LSAMP: variants seen among roughly 807,000 people sequenced by gnomAD.
LSAMP encodes limbic system associated membrane protein.
Under a neutral mutation model 38.6 loss-of-function variants are expected in LSAMP, and 7 were observed. The ratio of observed to expected loss-of-function variants is 0.18; its 90% confidence interval spans 0.10 to 0.34. The LOEUF (loss-of-function observed/expected upper bound fraction) is 0.34. Ranked by LOEUF, LSAMP falls within the 10% of genes least tolerant of loss-of-function variation. LSAMP has a pLI of 1.00. For missense variants in LSAMP, 313 were observed against 420.0 expected (o/e 0.75, Z 2.23); for synonymous variants, 154 against 166.8 (o/e 0.92, Z 0.59).
At position 115,841,834 on chromosome 3, in the gene LSAMP, G is replaced by A; in HGVS notation, c.919+11C>T. Reference sequence around the variant, plus strand: ...ATTCCATCAAGTTGGGCCCTGCTTTGGCATACTTACTGAAAAGGACTAGGC... The same window carrying A: ...ATTCCATCAAGTTGGGCCCTGCTTTAGCATACTTACTGAAAAGGACTAGGC... On this transcript the variant is annotated intron_variant, in intron 6 of 6. Coordinates refer to ENST00000490035, the MANE Select transcript of LSAMP (RefSeq NM_002338.5). The A allele has an allele frequency of 6.3e-7, 1 of 1,594,998 alleles. No individual in the cohort carries two copies. Among genetic ancestry groups the A allele is most frequent in the South Asian group, 1.1e-5 (1 of 87,478 alleles).
At chr3:116,242,401 T>C (rs1426430514) in intron 1 of LSAMP, among the ~76,000 whole-genome samples, 2 of 152,188 alleles carry the variant, frequency 1.3e-5, no homozygotes, top group Non-Finnish European at 2.9e-5. Flanking sequence ...AAACGGCTGG[T>C]CACGAACTGA....
chr3:115,900,459 T>C, intron 3 of LSAMP, among the ~76,000 whole-genome samples: 1 of 135,114 alleles, frequency 7.4e-6, no homozygotes, highest in East Asian at 2.1e-4. Flanking sequence ...GAGGTTGCAG[T>C]GAGCCAAGAT....
At chr3:116,224,993 T>A (rs2107620760) in intron 1 of LSAMP, among the ~76,000 whole-genome samples, 1 of 152,348 alleles carries the variant, frequency 6.6e-6, no homozygotes, top group East Asian at 1.9e-4. Flanking sequence ...AGATTATAAC[T>A]GATTTTGTCT....
chr3:116,307,369 A>G (rs993061075), intron 1 of LSAMP, among the ~76,000 whole-genome samples: 33 of 152,060 alleles, frequency 2.2e-4, no homozygotes, highest in African/African-American at 7.7e-4. Context: ...ACTTTAAAAT[A>G]ACATACTAAC....
At chr3:116,057,554 CA>C (rs1215189478) in intron 2 of LSAMP, among the ~76,000 whole-genome samples, 1 of 151,960 alleles carries the variant, frequency 6.6e-6, no homozygotes, top group Non-Finnish European at 1.5e-5. Context: ...TTTCTTTCAA[CA>C]AACTGAAATG....
chr3:116,294,254 G>T (rs760444051), intron 1 of LSAMP, among the ~76,000 whole-genome samples: 2 of 152,002 alleles, frequency 1.3e-5, no homozygotes, highest in African/African-American at 2.4e-5. Context: ...AACTATTAAT[G>T]GTTGAATTTC....
At chr3:115,917,453 T>C (rs1001088306) in intron 3 of LSAMP, among the ~76,000 whole-genome samples, 2 of 152,210 alleles carry the variant, frequency 1.3e-5, no homozygotes, top group Admixed American at 1.3e-4. Context: ...GTAGCTCCAT[T>C]ACCACCCCTG....
intron 1 of LSAMP, among the ~76,000 whole-genome samples, chr3:116,404,194 A>G (rs2048874593): frequency 6.6e-6 from 1 of 152,186 alleles, no homozygotes; most frequent in Admixed American, 6.6e-5. Context: ...GGGTACAAAT[A>G]GTCTATGTGA....
chr3:115,810,245 G>GTCTC lies in LSAMP; in HGVS notation c.*68_*71dup, dbSNP rs34933256. 118,732 of 822,250 alleles carry GTCTC rather than the reference G, an allele frequency of 0.14. 4,331 individuals carry two copies. The highest frequency in any genetic ancestry group is 0.2 in the Admixed American group (7,346 of 37,284). 50.9% of individuals were successfully genotyped at this position (822,250 alleles called of 1,614,324 possible). ...CATCTCTCTCTCTCTCTCTCTCTCTGTCTCTCTCTCTCTGTATTCTGTGTG... is the reference window on the plus strand; with the variant it reads ...CATCTCTCTCTCTCTCTCTCTCTCTGTCTCTCTCTCTCTCTCTGTATTCTGTGTG... On this transcript the variant is annotated 3_prime_UTR_variant, in exon 7 of 7. Coordinates refer to ENST00000490035, the MANE Select transcript of LSAMP (RefSeq NM_002338.5).
chr3:115,972,522 A>G (rs2107613457), intron 3 of LSAMP, among the ~76,000 whole-genome samples: 1 of 151,848 alleles, frequency 6.6e-6, no homozygotes, highest in East Asian at 1.9e-4. Context: ...AAGTATTTCC[A>G]TTTTGTCAGG....
intron 1 of LSAMP, among the ~76,000 whole-genome samples, chr3:116,192,404 C>A (rs761777421): frequency 2.0e-5 from 3 of 152,184 alleles, no homozygotes; most frequent in Non-Finnish European, 4.4e-5. Flanking sequence ...TGCTTCCCTG[C>A]CCAGCCATCC....
intron 1 of LSAMP, among the ~76,000 whole-genome samples, chr3:116,328,020 C>A (rs920857663): frequency 6.6e-6 from 1 of 152,112 alleles, no homozygotes; most frequent in African/African-American, 2.4e-5. Context: ...CTTCTCTTTG[C>A]ATTTTTCTTT....
At chr3:116,191,337 C>A (rs774799929) in intron 1 of LSAMP, among the ~76,000 whole-genome samples, 7 of 152,132 alleles carry the variant, frequency 4.6e-5, no homozygotes, top group African/African-American at 7.2e-5. Flanking sequence ...AAGAACGCAA[C>A]ATAAGAGATA....
intron 2 of LSAMP, among the ~76,000 whole-genome samples, chr3:116,044,982 T>C (rs1394179144): frequency 6.6e-6 from 1 of 152,198 alleles, no homozygotes; most frequent in Non-Finnish European, 1.5e-5. Context: ...GGCTGCCATT[T>C]CTGAAAAAGC....
At chr3:115,967,895 A>G (rs1938874270) in intron 3 of LSAMP, among the ~76,000 whole-genome samples, 1 of 152,108 alleles carries the variant, frequency 6.6e-6, no homozygotes, top group Admixed American at 6.5e-5. Flanking sequence ...CTACAAGATG[A>G]GATTTGGGTG....
intron 2 of LSAMP, among the ~76,000 whole-genome samples, chr3:116,067,223 G>A (rs1300115459): frequency 6.6e-6 from 1 of 152,088 alleles, no homozygotes; most frequent in African/African-American, 2.4e-5. Context: ...CTCCTAGAGA[G>A]CATATAATGT....
intron 3 of LSAMP, among the ~76,000 whole-genome samples, chr3:115,870,576 A>C (rs531830516): frequency 6.6e-6 from 1 of 152,284 alleles, no homozygotes; most frequent in African/African-American, 2.4e-5. Context: ...CATTATGTCT[A>C]GGGCAAGCCC....
intron 1 of LSAMP, among the ~76,000 whole-genome samples, chr3:116,098,894 G>A (rs975838948): frequency 5.9e-5 from 9 of 152,206 alleles, no homozygotes; most frequent in African/African-American, 2.2e-4. Flanking sequence ...TGATGAGTTT[G>A]AAATGAAAGC....
chr3:116,277,757 C>T (rs2047075133), intron 1 of LSAMP, among the ~76,000 whole-genome samples: 2 of 152,124 alleles, frequency 1.3e-5, no homozygotes, highest in South Asian at 2.1e-4. Context: ...AGCTGTTTAA[C>T]GGTTACCTGT....
Sources: gnomAD v4.1 joint callset for allele counts (sites outside exome capture counted in the v4.1 genomes callset) on GRCh38, gnomAD v4.1.1 for gene constraint, MANE v1.5 for transcripts, NCBI Gene and HGNC (gene_info 2026-07-23, HGNC 2026-07-21) for gene names.